NLRP14: variants seen among roughly 807,000 people sequenced by gnomAD.
The protein encoded by NLRP14 is NLR family pyrin domain containing 14.
NLRP14 carries 105 observed loss-of-function variants against 94.7 expected under a neutral mutation model. The observed-to-expected ratio is 1.11, with a 90% CI of 0.95 to 1.30. NLRP14 has a LOEUF of 1.30. Ranked by LOEUF, NLRP14 falls within the 50% of genes most tolerant of loss-of-function variation. The pLI, the probability that NLRP14 is intolerant of heterozygous loss-of-function variation, is 0.00. For synonymous variants in NLRP14, 508 were observed against 459.9 expected, an observed-to-expected ratio of 1.10 and a Z score of -1.34; for missense variants, 1,362 against 1,254.1, an observed-to-expected ratio of 1.09 and a Z score of -1.30.
At chr11:7,047,311 C>T (rs1307242820) in intron 5 of NLRP14, among the ~76,000 whole-genome samples, 1 of 39,406 alleles carries the variant, frequency 2.5e-5, no homozygotes, top group African/African-American at 7.2e-5. Context: ...TCCCTTGTAC[C>T]CCTTTCGTTT....
intron 1 of NLRP14, among the ~76,000 whole-genome samples, chr11:7,033,859 T>C (rs182326171): frequency 1.1e-4 from 17 of 152,314 alleles, no homozygotes; most frequent in Admixed American, 1.0e-3. Flanking sequence ...CCTCACTTTG[T>C]TTTTTCTTAT....
At chr11:7,075,471 G>A (rs1852864013), downstream of NLRP14, among the ~76,000 whole-genome samples, 1 of 152,156 alleles carries the variant, frequency 6.6e-6, no homozygotes. Flanking sequence ...ATAAAATTCA[G>A]TCTCTTTGTG....
chr11:7,058,449 G>C lies in NLRP14; in HGVS notation c.2632G>C (p.Val878Leu). The change falls in exon 8 of 12, where the codon GTG becomes CTG. Residue 878 changes from valine (V) to leucine (L), a missense_variant and splice_region_variant. Coordinates refer to ENST00000299481, the MANE Select transcript of NLRP14 (RefSeq NM_176822.4). ...QHAQCTLKSL[V>L]LRRCHFTSLS... ...TGCACAATGTACTCTGAAGAGCCTT[G>C]TGTAAGTGTCTTCAAGTTTTTATCC... The C allele has an allele frequency of 6.2e-7, 1 of 1,606,640 alleles. No individual in the cohort carries two copies. Among genetic ancestry groups the C allele is most frequent in the Non-Finnish European group, 8.5e-7 (1 of 1,173,482 alleles).
chr11:7,069,291 CA>C (rs1001444978), intron 10 of NLRP14, among the ~76,000 whole-genome samples: 2 of 151,256 alleles, frequency 1.3e-5, no homozygotes, highest in African/African-American at 2.4e-5. Context: ...GATCACTTAA[CA>C]AAAAAAAAGT....
chr11:7,080,044 CAGAG>C, the NLRP14 span, among the ~76,000 whole-genome samples: 4 of 152,050 alleles, frequency 2.6e-5, no homozygotes, highest in East Asian at 5.8e-4. Context: ...AGGGGGAACA[CAGAG>C]AGTAAGGAAG....
chr11:7,037,085 G>A (rs1292478388), intron 1 of NLRP14, among the ~76,000 whole-genome samples: 2 of 152,214 alleles, frequency 1.3e-5, no homozygotes, highest in Non-Finnish European at 2.9e-5. Context: ...TTCTAGAAAG[G>A]AAGCGGAAGA....
chr11:7,077,638 G>T, the NLRP14 span, among the ~76,000 whole-genome samples: 6 of 152,218 alleles, frequency 3.9e-5, no homozygotes, highest in Non-Finnish European at 5.9e-5. Context: ...CCATGTGGCT[G>T]GGGAAGCCTC....
chr11:7,040,068 A>C (rs1364700275), intron 3 of NLRP14, among the ~76,000 whole-genome samples: 1 of 152,228 alleles, frequency 6.6e-6, no homozygotes, highest in Non-Finnish European at 1.5e-5. Context: ...ATGGACTAAA[A>C]GTCACTGAAT....
intron 6 of NLRP14, among the ~76,000 whole-genome samples, chr11:7,055,018 A>C (rs115586847): frequency 1.3e-5 from 2 of 152,174 alleles, no homozygotes; most frequent in Admixed American, 6.5e-5. Context: ...CTTCTTTTAC[A>C]TATGAATATC....
chr11:7,084,407 T>A, the NLRP14 span, among the ~76,000 whole-genome samples: 1 of 152,214 alleles, frequency 6.6e-6, no homozygotes, highest in Non-Finnish European at 1.5e-5. Context: ...AGCTTTGGGA[T>A]GGCTGCTGGT....
At chr11:7,062,038 G>T (rs1024965998) in intron 9 of NLRP14, among the ~76,000 whole-genome samples, 7 of 151,902 alleles carry the variant, frequency 4.6e-5, no homozygotes, top group Non-Finnish European at 1.0e-4. Flanking sequence ...AGTTCCTTGG[G>T]AAAGTTTATA....
rs956379454 is a variant in NLRP14, at chr11:7,043,316, C to T, written c.1290C>T (p.Val430=). The part of the protein sequence containing the change: ...NQAQLRRLCQ[V]AAKGIWTMTY... ...CCCAGCTGAGAAGACTGTGCCAAGTCGCTGCCAAAGGAATATGGACTATGA... is the reference window on the plus strand; with the variant it reads ...CCCAGCTGAGAAGACTGTGCCAAGTTGCTGCCAAAGGAATATGGACTATGA... Residue 430 remains valine (V), a synonymous_variant, in exon 4 of 12, where the codon GTC becomes GTT. Coordinates refer to ENST00000299481, the MANE Select transcript of NLRP14 (RefSeq NM_176822.4). 5.0e-6 allele frequency: 8 copies of T among 1,614,128 alleles called. No individual in the cohort carries two copies. Among genetic ancestry groups the T allele is most frequent in the South Asian group, 1.1e-5 (1 of 91,080 alleles).
chr11:7,090,074 C>T, the NLRP14 span: 5 of 1,612,424 alleles, frequency 3.1e-6, no homozygotes, highest in Non-Finnish European at 3.4e-6. Context: ...CACCCGATGC[C>T]TACAGCGGCG....
chr11:7,076,028 T>G (rs1852870838), downstream of NLRP14, among the ~76,000 whole-genome samples: 2 of 152,346 alleles, frequency 1.3e-5, no homozygotes, highest in Non-Finnish European at 2.9e-5. Flanking sequence ...TTACTGCACA[T>G]CAGATATATG....
downstream of NLRP14, among the ~76,000 whole-genome samples, chr11:7,072,208 G>A (rs1406192058): frequency 6.6e-6 from 1 of 152,188 alleles, no homozygotes; most frequent in African/African-American, 2.4e-5. Context: ...GGTATTACTT[G>A]GGGTCCCTTG....
the NLRP14 span, among the ~76,000 whole-genome samples, chr11:7,078,975 T>G: frequency 6.6e-6 from 1 of 152,148 alleles, no homozygotes; most frequent in African/African-American, 2.4e-5. Flanking sequence ...CCACAGGCAC[T>G]TCGTTCTGCT....
chr11:7,035,134 A>C (rs1852143322), intron 1 of NLRP14, among the ~76,000 whole-genome samples: 2 of 120,162 alleles, frequency 1.7e-5, no homozygotes, highest in Admixed American at 1.8e-4. Flanking sequence ...TCTACTAAAA[A>C]TCCAAAAATA....
chr11:7,036,000 G>A (rs567669207), intron 1 of NLRP14, among the ~76,000 whole-genome samples: 11 of 152,250 alleles, frequency 7.2e-5, no homozygotes, highest in South Asian at 6.2e-4. Context: ...CTGAGACTCC[G>A]TATCTATAAA....
At chr11:7,034,641 A>G (rs76876268) in intron 1 of NLRP14, among the ~76,000 whole-genome samples, 8,343 of 152,254 alleles carry the variant, frequency 0.055, 312 homozygotes, top group Middle Eastern at 0.095. Context: ...AGAGGTTTTA[A>G]TTTCAGCATA....
Sources: allele counts gnomAD v4.1 joint callset (sites outside exome capture counted in the v4.1 genomes callset), GRCh38; gene constraint gnomAD v4.1.1; transcripts MANE v1.5; gene names NCBI Gene and HGNC (gene_info 2026-07-23, HGNC 2026-07-21).